Variants in CSMD1 observed in about 807,000 individuals in gnomAD.
The protein encoded by CSMD1 is CUB and Sushi multiple domains 1, also known as CUB and sushi domain-containing protein 1.
In CSMD1, 213 loss-of-function variants were observed where a neutral mutation model predicts 417.5. That is an observed-to-expected ratio of 0.51 (90% confidence interval 0.46 to 0.57). CSMD1 has a LOEUF of 0.57. Ranked by LOEUF, CSMD1 falls within the 20% of genes least tolerant of loss-of-function variation. The probability of loss-of-function intolerance (pLI) is 0.00; values close to 1 mark genes in which losing one functional copy is unlikely to be tolerated. For missense variants in CSMD1, 6,923 were observed against 4,529.7 expected, an observed-to-expected ratio of 1.53 and a Z score of -15.17; for synonymous variants, 2,862 against 1,736.8, an observed-to-expected ratio of 1.65 and a Z score of -16.11.
rs541044097 is a variant in CSMD1, at chr8:3,935,228, G to A, written c.818+62675C>T. Among the ~76,000 whole-genome samples, 45 of 152,190 alleles carry A rather than the reference G, an allele frequency of 3.0e-4. No homozygotes were observed. In the East Asian group the frequency reaches 8.1e-3, roughly 28 times the overall value. ...AGCTCCAACAGAACAAATGGAAATC[G>A]TTCTTAAAATGTAGAAGAACAGAAT... On this transcript the variant is annotated intron_variant, in intron 5 of 69. Coordinates refer to ENST00000635120, the MANE Select transcript of CSMD1 (RefSeq NM_033225.6).
chr8:4,402,807 T>C (rs1458652832), intron 3 of CSMD1, among the ~76,000 whole-genome samples: 4 of 66,844 alleles, frequency 6.0e-5, no homozygotes, highest in Admixed American at 1.8e-4. Flanking sequence ...TTTCTTTTTT[T>C]TTTTTTTTTT....
intron 6 of CSMD1, among the ~76,000 whole-genome samples, chr8:3,715,775 T>G (rs1341361046): frequency 6.6e-6 from 1 of 152,132 alleles, no homozygotes; most frequent in East Asian, 1.9e-4. Flanking sequence ...ACTCCCGACC[T>G]CATGTGATCC....
At chr8:4,460,558 T>A (rs1799751562) in intron 2 of CSMD1, among the ~76,000 whole-genome samples, 2 of 152,028 alleles carry the variant, frequency 1.3e-5, no homozygotes, top group Admixed American at 1.3e-4. Context: ...AAATTAAGAA[T>A]CTTTTGCTAG....
chr8:4,696,599 A>G (rs1045324739), intron 1 of CSMD1, among the ~76,000 whole-genome samples: 8 of 152,188 alleles, frequency 5.3e-5, no homozygotes, highest in African/African-American at 1.9e-4. Flanking sequence ...CCCCCGTATT[A>G]CCCAGATTTA....
chr8:3,502,945 A>G (rs1305827025), intron 10 of CSMD1, among the ~76,000 whole-genome samples: 1 of 152,194 alleles, frequency 6.6e-6, no homozygotes, highest in Admixed American at 6.5e-5. Flanking sequence ...CCATGCTGAA[A>G]GCATCTGGTG....
intron 25 of CSMD1, among the ~76,000 whole-genome samples, chr8:3,304,406 G>C (rs1301088307): frequency 6.6e-6 from 1 of 151,982 alleles, no homozygotes; most frequent in East Asian, 1.9e-4. Flanking sequence ...TACAATTTTA[G>C]TATATTATGT....
chr8:3,796,541 TATATCC>T (rs896630807), intron 5 of CSMD1, among the ~76,000 whole-genome samples: 29 of 145,138 alleles, frequency 2.0e-4, no homozygotes, highest in African/African-American at 6.5e-4. Flanking sequence ...GATATATATC[TATATCC>T]ATACATGATA....
intron 5 of CSMD1, among the ~76,000 whole-genome samples, chr8:3,814,669 C>G (rs993938373): frequency 2.0e-5 from 3 of 152,164 alleles, no homozygotes; most frequent in Non-Finnish European, 4.4e-5. Flanking sequence ...GTGAATAGTG[C>G]TGAGATGGAG....
At chr8:4,111,172 C>G (rs1302185621) in intron 3 of CSMD1, among the ~76,000 whole-genome samples, 1 of 152,100 alleles carries the variant, frequency 6.6e-6, no homozygotes, top group Non-Finnish European at 1.5e-5. Context: ...AAAAGTTTCC[C>G]TGTTCCCAAT....
intron 1 of CSMD1, among the ~76,000 whole-genome samples, chr8:4,794,104 A>G (rs1373165631): frequency 6.6e-6 from 1 of 152,186 alleles, no homozygotes; most frequent in African/African-American, 2.4e-5. Flanking sequence ...GATAAGTCAG[A>G]TAAGTACTGT....
intron 23 of CSMD1, among the ~76,000 whole-genome samples, chr8:3,309,883 C>T (rs368175332): frequency 5.1e-4 from 78 of 152,264 alleles, no homozygotes; most frequent in African/African-American, 1.8e-3. Flanking sequence ...AGAAAGAGGA[C>T]ATGCTTGATC....
chr8:3,199,720 A>C lies in CSMD1; in HGVS notation c.5188T>G (p.Tyr1730Asp). Residue 1730 changes from tyrosine (Y) to aspartate (D), a missense_variant, in exon 33 of 70, where the codon TAT (tyrosine) becomes GAT (aspartate). Tyr to Asp is a radical substitution (Grantham distance 160). Transcript: ENST00000635120. ...GASARGFHFV[Y>D]QAVPRTSDTQ... Reference sequence around the variant, plus strand: ...CATGTGGAGTGACGCTTACCTTGATACACGAAGTGGAAGCCGCGGGCAGAG... The same window carrying C: ...CATGTGGAGTGACGCTTACCTTGATCCACGAAGTGGAAGCCGCGGGCAGAG... 2 of 1,582,466 alleles carry C rather than the reference A, an allele frequency of 1.3e-6. No homozygotes were observed. The highest frequency in any genetic ancestry group is 1.7e-6 in the Non-Finnish European group (2 of 1,163,202).
chr8:4,060,780 G>A (rs1009400588), intron 3 of CSMD1, among the ~76,000 whole-genome samples: 2 of 152,066 alleles, frequency 1.3e-5, no homozygotes, highest in African/African-American at 2.4e-5. Context: ...GACCACACAG[G>A]ACCCTGAGAT....
intron 5 of CSMD1, among the ~76,000 whole-genome samples, chr8:3,844,967 A>T (rs1039493634): frequency 6.6e-6 from 1 of 152,226 alleles, no homozygotes; most frequent in Non-Finnish European, 1.5e-5. Flanking sequence ...AAGATTTTAA[A>T]GATGTGATAT....
chr8:4,199,285 G>A (rs535425877), intron 3 of CSMD1, among the ~76,000 whole-genome samples: 1 of 152,166 alleles, frequency 6.6e-6, no homozygotes. Flanking sequence ...TATGGTCATT[G>A]ATATGCAGGC....
intron 39 of CSMD1, among the ~76,000 whole-genome samples, chr8:3,156,707 T>C (rs987207188): frequency 1.3e-5 from 2 of 152,030 alleles, no homozygotes; most frequent in African/African-American, 4.8e-5. Flanking sequence ...GAACAAAATA[T>C]GAAAATTTTA....
At chr8:3,517,064 G>C (rs989452669) in intron 10 of CSMD1, among the ~76,000 whole-genome samples, 1 of 152,172 alleles carries the variant, frequency 6.6e-6, no homozygotes, top group Non-Finnish European at 1.5e-5. Context: ...CACTGGAACC[G>C]ACAGCTCCAG....
chr8:4,904,893 G>A (rs1032252076), intron 1 of CSMD1, among the ~76,000 whole-genome samples: 1 of 152,122 alleles, frequency 6.6e-6, no homozygotes, highest in African/African-American at 2.4e-5. Context: ...ATTTTCCAAT[G>A]AAAAAGAGCC....
At chr8:3,981,369 TAA>T (rs1813850808) in intron 5 of CSMD1, among the ~76,000 whole-genome samples, 1 of 152,012 alleles carries the variant, frequency 6.6e-6, no homozygotes, top group East Asian at 1.9e-4. Flanking sequence ...GGGTGAAGGA[TAA>T]AAGACAACAA....
Sources: gnomAD v4.1 joint callset for allele counts (sites outside exome capture counted in the v4.1 genomes callset) on GRCh38, gnomAD v4.1.1 for gene constraint, MANE v1.5 for transcripts, NCBI Gene and HGNC (gene_info 2026-07-23, HGNC 2026-07-21) for gene names.